ZPBP: variants seen among roughly 807,000 people sequenced by gnomAD.
ZPBP encodes the protein zona pellucida binding protein, also known as zona pellucida-binding protein 1.
ZPBP carries 26 observed loss-of-function variants against 44.8 expected under a neutral mutation model. The observed-to-expected ratio is 0.58, with a 90% CI of 0.43 to 0.81. ZPBP has a LOEUF of 0.81. Among genes scored for constraint, ZPBP ranks in the 30% least tolerant of loss-of-function variants. The probability of loss-of-function intolerance (pLI) is 0.00; values close to 1 mark genes in which losing one functional copy is unlikely to be tolerated. For synonymous variants in ZPBP, 174 were observed against 153.2 expected (o/e 1.14, Z -1.00); for missense variants, 409 against 434.0 (o/e 0.94, Z 0.51).
At chr7:49,955,174 C>T (rs1227209513) in intron 7 of ZPBP, among the ~76,000 whole-genome samples, 1 of 151,784 alleles carries the variant, frequency 6.6e-6, no homozygotes, top group Non-Finnish European at 1.5e-5. Context: ...ATAGATAAAG[C>T]AATGTTAGGA....
At chr7:50,074,883 A>T (rs754948262) in intron 3 of ZPBP, among the ~76,000 whole-genome samples, 34 of 151,932 alleles carry the variant, frequency 2.2e-4, no homozygotes, top group Non-Finnish European at 4.1e-4. Context: ...ATCAACAAGG[A>T]AACATCAGAC....
chr7:49,961,266 T>C (rs557427325), intron 7 of ZPBP, among the ~76,000 whole-genome samples: 1 of 152,228 alleles, frequency 6.6e-6, no homozygotes, highest in South Asian at 2.1e-4. Flanking sequence ...ACCCATACAA[T>C]GGAGTACTAT....
chr7:49,972,855 G>A (rs906973014), intron 7 of ZPBP, among the ~76,000 whole-genome samples: 1 of 151,602 alleles, frequency 6.6e-6, no homozygotes, highest in South Asian at 2.1e-4. Flanking sequence ...AAAACAGTGT[G>A]ATAATGGCAT....
chr7:49,873,532 G>A (rs1490630541), intron 2 of ZPBP, among the ~76,000 whole-genome samples: 4 of 152,128 alleles, frequency 2.6e-5, no homozygotes, highest in East Asian at 3.9e-4. Context: ...ATTGCACAGC[G>A]GTTGGCTAGA....
intron 5 of ZPBP, among the ~76,000 whole-genome samples, chr7:50,018,535 A>G (rs541049020): frequency 1.3e-5 from 2 of 152,030 alleles, no homozygotes; most frequent in Non-Finnish European, 2.9e-5. Context: ...TTAAGAATTA[A>G]TCAACTTTCC....
At position 49,859,857 on chromosome 7, in the gene ZPBP, T is replaced by C. The variant is rs116291277; in HGVS notation, n.510-9343A>G. On this transcript the variant is annotated intron_variant and non_coding_transcript_variant, in intron 2 of 2. Transcript: ENST00000465922. The stretch of plus-strand genomic sequence containing the variant: ...TGCTGAGGTTTTAATCACAATTGCA[T>C]TGATGTTTAGATCAACACAGGGAAA... Among the ~76,000 whole-genome samples the C allele has an allele frequency of 7.4e-3, 1,130 of 152,210 alleles. 10 individuals carry two copies. The highest frequency in any genetic ancestry group is 0.026 in the African/African-American group (1,063 of 41,528).
chr7:49,874,894 A>G (rs955663101), intron 2 of ZPBP, among the ~76,000 whole-genome samples: 2 of 152,102 alleles, frequency 1.3e-5, no homozygotes, highest in African/African-American at 4.8e-5. Flanking sequence ...GGTTCTTCCT[A>G]TTTGTATGAG....
At chr7:50,008,563 A>C (rs1290972819) in intron 6 of ZPBP, among the ~76,000 whole-genome samples, 1 of 152,074 alleles carries the variant, frequency 6.6e-6, no homozygotes, top group East Asian at 1.9e-4. Context: ...TACTTGCCCA[A>C]CAATCTTGAA....
At position 49,937,448 on chromosome 7, in the gene ZPBP, T is replaced by A; in HGVS notation, c.*80A>T. The A allele has an allele frequency of 9.3e-7, 1 of 1,069,838 alleles. No homozygotes were observed. The highest frequency in any genetic ancestry group is 1.4e-6 in the Non-Finnish European group (1 of 699,754). 66.3% of individuals were successfully genotyped at this position (1,069,838 alleles called of 1,614,324 possible). ...TTTTTTTGTAAAATATGATTAATTT[T>A]GGCATAATAATTTATTATGTTAATA... On this transcript the variant is annotated 3_prime_UTR_variant, in exon 8 of 8. Coordinates refer to ENST00000046087, the MANE Select transcript of ZPBP (RefSeq NM_007009.3).
chr7:49,969,948 C>G (rs1796230810), intron 7 of ZPBP, among the ~76,000 whole-genome samples: 1 of 152,038 alleles, frequency 6.6e-6, no homozygotes, highest in African/African-American at 2.4e-5. Flanking sequence ...AAACTTCTGC[C>G]ACCCGGGTTC....
intron 7 of ZPBP, among the ~76,000 whole-genome samples, chr7:49,976,667 T>C (rs1358107006): frequency 1.3e-5 from 2 of 152,204 alleles, no homozygotes; most frequent in Admixed American, 6.5e-5. Flanking sequence ...TATAAGCTAC[T>C]TCATCATGGC....
At position 50,034,183 on chromosome 7, in the gene ZPBP, G is replaced by GT. The variant is rs532541672; in HGVS notation, c.488-2874dup. 2.5e-3 allele frequency among the ~76,000 whole-genome samples: 365 copies of GT among 143,742 alleles called. 5 individuals carry two copies. Among genetic ancestry groups the GT allele is most frequent in the East Asian group, 0.014 (71 of 4,924 alleles). The allele number at this position is 143,742 out of a possible 152,430, so 94.3% of individuals were successfully genotyped here. ...TAGCTTTGTCCATTTGTTTTTGAGG[G>GT]TTTTTTTTTTTTAATTATCTAGGCT... On this transcript the variant is annotated intron_variant, in intron 4 of 7. Transcript: ENST00000046087.
intron 3 of ZPBP, among the ~76,000 whole-genome samples, chr7:50,058,567 A>T (rs2128830850): frequency 6.6e-6 from 1 of 152,336 alleles, no homozygotes; most frequent in Middle Eastern, 3.4e-3. Context: ...TATGAAACAG[A>T]TAAATAATAT....
At chr7:49,894,814 A>C (rs755341900) in intron 2 of ZPBP, among the ~76,000 whole-genome samples, 15 of 152,234 alleles carry the variant, frequency 9.9e-5, no homozygotes, top group Non-Finnish European at 2.1e-4. Flanking sequence ...TGTAAGCTAC[A>C]GCCTTATCAT....
intron 5 of ZPBP, among the ~76,000 whole-genome samples, chr7:50,025,249 A>C (rs1799271845): frequency 6.6e-6 from 1 of 151,878 alleles, no homozygotes; most frequent in African/African-American, 2.4e-5. Context: ...TGACACTCAA[A>C]ATATCAGTAA....
downstream of ZPBP, among the ~76,000 whole-genome samples, chr7:49,848,553 G>A (rs144604103): frequency 3.9e-5 from 6 of 152,304 alleles, no homozygotes; most frequent in Admixed American, 6.5e-5. Flanking sequence ...CTGCTCTCTC[G>A]TTTCCTGGTT....
intron 7 of ZPBP, among the ~76,000 whole-genome samples, chr7:49,980,071 A>AAT (rs1157782622): frequency 1.1e-5 from 1 of 92,354 alleles, no homozygotes; most frequent in Admixed American, 1.7e-4. Context: ...ATTATATTAT[A>AAT]ATATATATAA....
At chr7:50,083,733 G>T (rs560094201) in intron 2 of ZPBP, among the ~76,000 whole-genome samples, 1 of 151,848 alleles carries the variant, frequency 6.6e-6, no homozygotes, top group African/African-American at 2.4e-5. Flanking sequence ...AATCACTGGA[G>T]AAAATATAGA....
intron 1 of ZPBP, chr7:49,913,909 T>C (rs765166973): frequency 1.3e-5 from 2 of 152,216 alleles, no homozygotes; most frequent in East Asian, 1.9e-4. Context: ...AAACACTACA[T>C]ATAGTCATTT....
Sources: gnomAD v4.1 joint callset for allele counts (sites outside exome capture counted in the v4.1 genomes callset) on GRCh38, gnomAD v4.1.1 for gene constraint, MANE v1.5 for transcripts, NCBI Gene and HGNC (gene_info 2026-07-23, HGNC 2026-07-21) for gene names.